Variants in ARHGEF26 observed in about 807,000 individuals in gnomAD.
ARHGEF26 encodes the protein Rho guanine nucleotide exchange factor 26, also known as Rho guanine nucleotide exchange factor (GEF) 26.
A neutral mutation model predicts 89.4 loss-of-function variants in ARHGEF26; 59 were observed. The ratio of observed to expected loss-of-function variants is 0.66; its 90% CI spans 0.54 to 0.82. The LOEUF is 0.82. ARHGEF26 is among the 40% of genes least tolerant of loss of function. The pLI is 0.00. For missense variants in ARHGEF26, 1,234 were observed against 1,085.6 expected, an observed-to-expected ratio of 1.14 and a Z score of -1.92; for synonymous variants, 500 against 428.4, an observed-to-expected ratio of 1.17 and a Z score of -2.06.
At chr3:154,132,701 A>G (rs1230998814) in intron 4 of ARHGEF26, among the ~76,000 whole-genome samples, 1 of 152,082 alleles carries the variant, frequency 6.6e-6, no homozygotes, top group Non-Finnish European at 1.5e-5. Flanking sequence ...ACTTTAATAT[A>G]TATATTCAGC....
intron 4 of ARHGEF26, 45 bp from the exon 5 acceptor site, chr3:154,149,344 A>T (rs1206379512): frequency 5.9e-6 from 9 of 1,528,052 alleles, no homozygotes; most frequent in Non-Finnish European, 8.0e-6. Context: ...TGAAACTTTT[A>T]AAGTATTAAT....
chr3:154,249,859 C>G (rs188682634), intron 12 of ARHGEF26, among the ~76,000 whole-genome samples: 1 of 152,156 alleles, frequency 6.6e-6, no homozygotes, highest in Non-Finnish European at 1.5e-5. Context: ...TATATCGATA[C>G]GTCCCTGGAG....
intron 3 of ARHGEF26, among the ~76,000 whole-genome samples, chr3:154,127,756 C>G (rs904195592): frequency 6.6e-6 from 1 of 151,608 alleles, no homozygotes; most frequent in Non-Finnish European, 1.5e-5. Context: ...GTATTTTTGG[C>G]AGTACAATCG....
chr3:154,253,101 T>C lies in ARHGEF26; in HGVS notation c.2301-15T>C. The C allele has an allele frequency of 1.2e-6, 2 of 1,613,918 alleles. No individual in the cohort carries two copies. The highest frequency in any genetic ancestry group is 1.7e-6 in the Non-Finnish European group (2 of 1,179,832). On this transcript the variant is annotated splice_polypyrimidine_tract_variant and intron_variant, in intron 12 of 14. Coordinates refer to ENST00000465093, the MANE Select transcript of ARHGEF26 (RefSeq NM_015595.4). ...ACACCTTGAGTCTCTCAGTTGGATCTGCCCTCTGTTTTAGGAGCGAGCGAG... is the reference window on the plus strand; with the variant it reads ...ACACCTTGAGTCTCTCAGTTGGATCCGCCCTCTGTTTTAGGAGCGAGCGAG...
chr3:154,247,407 AT>A, intron 12 of ARHGEF26, among the ~76,000 whole-genome samples: 1 of 152,082 alleles, frequency 6.6e-6, no homozygotes, highest in East Asian at 1.9e-4. Context: ...ATCTTTCCCC[AT>A]CTTTCCATTC....
intron 6 of ARHGEF26, among the ~76,000 whole-genome samples, chr3:154,161,172 G>A (rs1035709456): frequency 6.6e-6 from 1 of 151,848 alleles, no homozygotes; most frequent in African/African-American, 2.4e-5. Context: ...CTGTCAAATA[G>A]TGATTGGCAT....
At chr3:154,154,276 A>G (rs1049272766) in intron 6 of ARHGEF26, among the ~76,000 whole-genome samples, 2 of 151,960 alleles carry the variant, frequency 1.3e-5, no homozygotes, top group African/African-American at 4.8e-5. Context: ...GGAATCAACC[A>G]TTTCCCCAAA....
intron 6 of ARHGEF26, among the ~76,000 whole-genome samples, chr3:154,166,191 C>T (rs1712015854): frequency 2.0e-5 from 3 of 152,120 alleles, no homozygotes; most frequent in Admixed American, 2.0e-4. Flanking sequence ...ACTGGGACTA[C>T]AGGCACATGC....
intron 6 of ARHGEF26, among the ~76,000 whole-genome samples, chr3:154,162,111 A>ACAAT (rs1711702096): frequency 6.6e-6 from 1 of 152,196 alleles, no homozygotes; most frequent in Admixed American, 6.5e-5. Context: ...GGAAAAAGAA[A>ACAAT]CAATGACTGG....
At chr3:154,170,264 G>A (rs1460109267) in intron 6 of ARHGEF26, among the ~76,000 whole-genome samples, 1 of 152,112 alleles carries the variant, frequency 6.6e-6, no homozygotes, top group Admixed American at 6.5e-5. Context: ...CAGGAGCTGA[G>A]GTGGGAGGAC....
chr3:154,140,623 T>C, intron 4 of ARHGEF26, among the ~76,000 whole-genome samples: 1 of 151,214 alleles, frequency 6.6e-6, no homozygotes, highest in East Asian at 1.9e-4. Flanking sequence ...CTAACTCTGT[T>C]GCCCAGGCTG....
At chr3:154,149,488 C>T (rs372970595) in intron 5 of ARHGEF26, 43 bp downstream of exon 5, 13 of 1,528,222 alleles carry the variant, frequency 8.5e-6, no homozygotes, top group Non-Finnish European at 1.2e-5. Context: ...CTGGAGTGTG[C>T]ATGTCGGTGT....
chr3:154,213,065 T>C (rs892424895), intron 9 of ARHGEF26, among the ~76,000 whole-genome samples: 1 of 152,194 alleles, frequency 6.6e-6, no homozygotes, highest in African/African-American at 2.4e-5. Flanking sequence ...GAAAAGTTCA[T>C]GTCCACATCC....
chr3:154,233,439 G>A (rs752151467), intron 11 of ARHGEF26, among the ~76,000 whole-genome samples: 1 of 152,158 alleles, frequency 6.6e-6, no homozygotes, highest in Non-Finnish European at 1.5e-5. Flanking sequence ...AGAAGGAGAA[G>A]GGAAACAAGT....
At chr3:154,177,786 A>G (rs1250497224) in intron 6 of ARHGEF26, among the ~76,000 whole-genome samples, 1 of 152,180 alleles carries the variant, frequency 6.6e-6, no homozygotes. Flanking sequence ...TTGAAAAGGG[A>G]TGAAACACAT....
At chr3:154,247,720 T>C (rs574811039) in intron 12 of ARHGEF26, among the ~76,000 whole-genome samples, 5 of 152,332 alleles carry the variant, frequency 3.3e-5, no homozygotes, top group Admixed American at 2.6e-4. Flanking sequence ...AGCAGGTTTT[T>C]CCCAAATTTT....
intron 6 of ARHGEF26, among the ~76,000 whole-genome samples, chr3:154,183,493 A>G (rs1217009861): frequency 6.6e-6 from 1 of 152,204 alleles, no homozygotes; most frequent in Non-Finnish European, 1.5e-5. Flanking sequence ...GAACCAGAAT[A>G]CTTTTACTTT....
chr3:154,231,070 G>A (rs944568578), intron 11 of ARHGEF26, among the ~76,000 whole-genome samples: 1 of 152,130 alleles, frequency 6.6e-6, no homozygotes, highest in South Asian at 2.1e-4. Flanking sequence ...GAAGTCAAGA[G>A]TATCCTGGCT....
At chr3:154,141,403 G>T (rs532229549) in intron 4 of ARHGEF26, among the ~76,000 whole-genome samples, 8 of 152,200 alleles carry the variant, frequency 5.3e-5, no homozygotes, top group Non-Finnish European at 1.2e-4. Flanking sequence ...ACTAGAACAT[G>T]TATTGTCATT....
Sources: gnomAD v4.1 joint callset for allele counts (sites outside exome capture counted in the v4.1 genomes callset) on GRCh38, gnomAD v4.1.1 for gene constraint, MANE v1.5 for transcripts, NCBI Gene and HGNC (gene_info 2026-07-23, HGNC 2026-07-21) for gene names.